Variants in GLIS3 observed in about 807,000 individuals in gnomAD.
The protein encoded by GLIS3 is zinc finger protein GLIS3.
A neutral mutation model predicts 78.6 loss-of-function variants in GLIS3; 53 were observed. The ratio of observed to expected loss-of-function variants is 0.67; its 90% CI spans 0.54 to 0.85. The LOEUF (loss-of-function observed/expected upper bound fraction) is 0.85, where lower values mean the gene tolerates loss of function less well. Ranked by LOEUF, GLIS3 falls within the 40% of genes least tolerant of loss-of-function variation. The pLI is 0.00. For synonymous variants in GLIS3, 684 were observed against 509.9 expected (o/e 1.34, Z -4.60); for missense variants, 1,703 against 1,231.1 (o/e 1.38, Z -5.74).
chr9:4,316,921 G>A (rs887693663), intron 2 of GLIS3, among the ~76,000 whole-genome samples: 5 of 151,694 alleles, frequency 3.3e-5, no homozygotes, highest in African/African-American at 9.7e-5. Context: ...CTTAACTCTT[G>A]TTTATATCCA....
At chr9:4,190,029 T>C (rs538120696) in intron 2 of GLIS3, among the ~76,000 whole-genome samples, 42 of 152,218 alleles carry the variant, frequency 2.8e-4, no homozygotes, top group Admixed American at 6.5e-4. Context: ...AAAAACCCAT[T>C]GGTACATCAC....
At chr9:4,000,766 C>A (rs1460974226) in intron 4 of GLIS3, among the ~76,000 whole-genome samples, 1 of 152,154 alleles carries the variant, frequency 6.6e-6, no homozygotes. Flanking sequence ...ACTGAATTAT[C>A]AGATGCCCAA....
chr9:4,256,927 C>A (rs1825001180), intron 2 of GLIS3, among the ~76,000 whole-genome samples: 1 of 152,050 alleles, frequency 6.6e-6, no homozygotes, highest in Non-Finnish European at 1.5e-5. Context: ...TCTCAATAGC[C>A]ACGATATTGA....
chr9:4,049,725 T>C (rs1235003315), intron 4 of GLIS3, among the ~76,000 whole-genome samples: 1 of 152,034 alleles, frequency 6.6e-6, no homozygotes, highest in East Asian at 1.9e-4. Context: ...ATCCAGAATC[T>C]ACAAAGAACT....
intron 4 of GLIS3, chr9:3,975,092 C>A (rs952761394): frequency 6.6e-6 from 1 of 152,172 alleles, no homozygotes; most frequent in Non-Finnish European, 1.5e-5. Flanking sequence ...TGAAAAAGGA[C>A]ATTAAACAAT....
At chr9:4,445,678 G>A in the GLIS3 span, among the ~76,000 whole-genome samples, 1 of 152,106 alleles carries the variant, frequency 6.6e-6, no homozygotes. Context: ...CTAGATTTAA[G>A]GGCTGAGAAA....
At chr9:3,868,835 ACATAGTGTTGTATACAACACTTG>A (rs1820780284) in intron 8 of GLIS3, among the ~76,000 whole-genome samples, 3 of 1,434 alleles carry the variant, frequency 2.1e-3, no homozygotes, top group Non-Finnish European at 4.6e-3. Flanking sequence ...CACTTGTTGT[ACATAGTGTTGTATACAACACTTG>A]TTGTACATAG....
chr9:4,208,830 C>CTG (rs1386046283), intron 2 of GLIS3, among the ~76,000 whole-genome samples: 3 of 152,146 alleles, frequency 2.0e-5, no homozygotes, highest in Admixed American at 6.5e-5. Context: ...CACCAGTGAC[C>CTG]AACACCTTGT....
chr9:3,831,855 G>A (rs1818062535), intron 9 of GLIS3, among the ~76,000 whole-genome samples: 1 of 152,060 alleles, frequency 6.6e-6, no homozygotes, highest in Non-Finnish European at 1.5e-5. Context: ...GTTTCAAAAA[G>A]CATGATACAA....
chr9:4,489,213 T>C, the GLIS3 span, among the ~76,000 whole-genome samples: 1 of 152,176 alleles, frequency 6.6e-6, no homozygotes, highest in Admixed American at 6.5e-5. Context: ...CCAACGACCT[T>C]AAAATCCCTC....
chr9:4,312,488 G>A (rs1443748445), intron 2 of GLIS3, among the ~76,000 whole-genome samples: 1 of 152,208 alleles, frequency 6.6e-6, no homozygotes, highest in African/African-American at 2.4e-5. Flanking sequence ...AAACTTTCCA[G>A]TTGTACACAT....
At chr9:4,359,186 T>G in the GLIS3 span, among the ~76,000 whole-genome samples, 1 of 152,068 alleles carries the variant, frequency 6.6e-6, no homozygotes, top group Non-Finnish European at 1.5e-5. Context: ...CCCTAAACGT[T>G]CAGGAACGCC....
At chr9:3,940,727 A>G (rs1815825244) in intron 4 of GLIS3, among the ~76,000 whole-genome samples, 1 of 152,206 alleles carries the variant, frequency 6.6e-6, no homozygotes, top group Admixed American at 6.5e-5. Context: ...GCAGGGTGAC[A>G]GTGTGGGGAG....
the GLIS3 span, among the ~76,000 whole-genome samples, chr9:4,354,843 A>G: frequency 6.6e-5 from 10 of 152,246 alleles, no homozygotes; most frequent in Non-Finnish European, 1.3e-4. Context: ...GTAGCCGGAC[A>G]TGGTGGCTCA....
chr9:3,869,411 A>C (rs1820831877), intron 8 of GLIS3, among the ~76,000 whole-genome samples: 1 of 152,194 alleles, frequency 6.6e-6, no homozygotes, highest in Non-Finnish European at 1.5e-5. Flanking sequence ...ATATACAAAT[A>C]AGTGAGAATG....
chr9:4,320,947 A>G (rs1384743662), intron 2 of GLIS3, among the ~76,000 whole-genome samples: 4 of 151,948 alleles, frequency 2.6e-5, no homozygotes, highest in Non-Finnish European at 5.9e-5. Context: ...GCATTTTTCA[A>G]TGGCTCCCAC....
At chr9:4,450,812 A>C in the GLIS3 span, among the ~76,000 whole-genome samples, 1 of 152,212 alleles carries the variant, frequency 6.6e-6, no homozygotes, top group Non-Finnish European at 1.5e-5. Context: ...AGATTTTGTC[A>C]CCACCAGGCC....
chr9:4,360,536 T>A, the GLIS3 span, among the ~76,000 whole-genome samples: 1 of 152,224 alleles, frequency 6.6e-6, no homozygotes, highest in Non-Finnish European at 1.5e-5. Context: ...TTTAGCCTTT[T>A]CCGAGGATTA....
At chr9:4,352,718 G>A (rs1817989789), upstream of GLIS3, among the ~76,000 whole-genome samples, 1 of 152,240 alleles carries the variant, frequency 6.6e-6, no homozygotes, top group Non-Finnish European at 1.5e-5. Flanking sequence ...AGTTCAGCTG[G>A]CCCTTGTGCC....
Sources: allele counts gnomAD v4.1 joint callset (sites outside exome capture counted in the v4.1 genomes callset), GRCh38; gene constraint gnomAD v4.1.1; transcripts MANE v1.5; gene names NCBI Gene and HGNC (gene_info 2026-07-23, HGNC 2026-07-21).